Variants in ULK4 observed in about 807,000 individuals in gnomAD.
ULK4 encodes the protein unc-51 like kinase 4.
ULK4 carries 133 observed loss-of-function variants against 160.6 expected under a neutral mutation model. That is an observed-to-expected ratio of 0.83 (90% confidence interval 0.72 to 0.96). The LOEUF (loss-of-function observed/expected upper bound fraction) is 0.96, where lower values mean the gene tolerates loss of function less well. Ranked by LOEUF, ULK4 falls within the 40% of genes least tolerant of loss-of-function variation. ULK4 has a pLI of 0.00. For synonymous variants in ULK4, 534 were observed against 539.8 expected, an observed-to-expected ratio of 0.99 and a Z score of 0.15; for missense variants, 1,580 against 1,499.5, an observed-to-expected ratio of 1.05 and a Z score of -0.89.
At chr3:41,453,326 C>T (rs1385218242) in intron 34 of ULK4, among the ~76,000 whole-genome samples, 3 of 152,104 alleles carry the variant, frequency 2.0e-5, no homozygotes, top group Admixed American at 6.6e-5. Flanking sequence ...CAGGTGTGCA[C>T]CACCACACCT....
At chr3:41,576,624 C>A (rs1167628132) in intron 31 of ULK4, among the ~76,000 whole-genome samples, 1 of 152,168 alleles carries the variant, frequency 6.6e-6, no homozygotes, top group African/African-American at 2.4e-5. Flanking sequence ...ATTTATTGAG[C>A]ACCTAAAATT....
At chr3:41,285,933 A>G (rs1250703916) in intron 35 of ULK4, among the ~76,000 whole-genome samples, 2 of 152,206 alleles carry the variant, frequency 1.3e-5, no homozygotes, top group African/African-American at 4.8e-5. Flanking sequence ...GGGGTAGCAT[A>G]CAAAAAGATA....
At chr3:41,313,468 T>G (rs1367692867) in intron 35 of ULK4, among the ~76,000 whole-genome samples, 1 of 152,218 alleles carries the variant, frequency 6.6e-6, no homozygotes, top group Non-Finnish European at 1.5e-5. Context: ...TCTTAAAGAA[T>G]AGCTTTTGGT....
intron 35 of ULK4, among the ~76,000 whole-genome samples, chr3:41,296,398 C>T (rs2079668476): frequency 6.6e-6 from 1 of 152,154 alleles, no homozygotes; most frequent in Non-Finnish European, 1.5e-5. Context: ...CCAGGGTGTT[C>T]ACCCAGGGGC....
chr3:41,757,161 C>T (rs1444707902), intron 21 of ULK4, among the ~76,000 whole-genome samples: 1 of 151,908 alleles, frequency 6.6e-6, no homozygotes, highest in Non-Finnish European at 1.5e-5. Flanking sequence ...AGTAAGAGTC[C>T]TAGAAACAAC....
intron 22 of ULK4, among the ~76,000 whole-genome samples, chr3:41,742,077 A>T (rs948196527): frequency 2.0e-5 from 3 of 151,870 alleles, no homozygotes; most frequent in Non-Finnish European, 4.4e-5. Flanking sequence ...CAACACACCA[A>T]CAGAAAATCA....
intron 27 of ULK4, among the ~76,000 whole-genome samples, chr3:41,700,439 T>G (rs888232502): frequency 2.0e-5 from 3 of 152,088 alleles, no homozygotes; most frequent in African/African-American, 7.2e-5. Context: ...CACCAACCCC[T>G]CCACACACAT....
intron 22 of ULK4, among the ~76,000 whole-genome samples, chr3:41,727,139 C>T (rs191015056): frequency 2.0e-5 from 3 of 152,150 alleles, no homozygotes; most frequent in Non-Finnish European, 2.9e-5. Context: ...TAACTCTGAT[C>T]GGCCTTCTAT....
chr3:41,780,212 G>T (rs1337475208), intron 21 of ULK4, among the ~76,000 whole-genome samples: 1 of 151,828 alleles, frequency 6.6e-6, no homozygotes, highest in Non-Finnish European at 1.5e-5. Context: ...ACCCTGGAAG[G>T]TGGAAAGACA....
intron 35 of ULK4, among the ~76,000 whole-genome samples, chr3:41,279,271 A>AAC (rs1559501629): frequency 6.9e-4 from 101 of 145,904 alleles, no homozygotes; most frequent in East Asian, 2.9e-3. Flanking sequence ...AAAAAAAAAA[A>AAC]AAAACAAAAC....
At chr3:41,253,038 G>A (rs1178990378) in intron 35 of ULK4, among the ~76,000 whole-genome samples, 1 of 152,036 alleles carries the variant, frequency 6.6e-6, no homozygotes, top group Admixed American at 6.5e-5. Context: ...ATACCTAGAA[G>A]ATATCATTCA....
Position 41,251,283 on chromosome 3 carries a change from CA to C in ULK4, c.3679-1710del, listed in dbSNP as rs1253522124. 2.0e-5 allele frequency among the ~76,000 whole-genome samples: 3 copies of C among 152,328 alleles called. No individual in the cohort carries two copies. The East Asian group carries it at 5.8e-4, about 29-fold the overall frequency. The stretch of plus-strand genomic sequence containing the variant: ...TTTACCTGACTCTTATTCATAACAT[CA>C]GCTGTTGTTCTGTATATAAGGATGA... On this transcript the variant is annotated intron_variant, in intron 35 of 36. Coordinates refer to ENST00000301831, the MANE Select transcript of ULK4 (RefSeq NM_017886.4).
chr3:41,958,247 T>G (rs1261187137), intron 1 of ULK4, among the ~76,000 whole-genome samples: 1 of 152,132 alleles, frequency 6.6e-6, no homozygotes, highest in African/African-American at 2.4e-5. Flanking sequence ...ATGTAATATA[T>G]TTTGCTTTTG....
At chr3:41,689,388 G>A (rs1353033861) in intron 27 of ULK4, among the ~76,000 whole-genome samples, 3 of 152,158 alleles carry the variant, frequency 2.0e-5, no homozygotes, top group Admixed American at 1.3e-4. Context: ...AGGGTTTATA[G>A]CAGCAACACC....
Position 41,841,177 on chromosome 3 carries a change from G to A in ULK4, c.1657-5206C>T, listed in dbSNP as rs2041911939. On this transcript the variant is annotated intron_variant, in intron 17 of 36. Transcript: ENST00000301831. ...GGATGTCAGCTGCCCCGACTGGGAG[G>A]TGAGGAGCGCCTCTGCCCGGCCGCC... Among the ~76,000 whole-genome samples, 3 of 146,920 alleles carry A rather than the reference G, an allele frequency of 2.0e-5. No homozygotes were observed. The South Asian group carries it at 6.7e-4, about 33-fold the overall frequency.
chr3:41,882,377 T>C (rs1697554651), intron 17 of ULK4: 1 of 679,430 alleles, frequency 1.5e-6, no homozygotes, highest in Non-Finnish European at 2.7e-6. Flanking sequence ...AATTACAGGG[T>C]GGTCGTAGTA....
At chr3:41,345,157 C>T (rs904875979) in intron 35 of ULK4, among the ~76,000 whole-genome samples, 5 of 152,152 alleles carry the variant, frequency 3.3e-5, no homozygotes, top group Non-Finnish European at 7.4e-5. Context: ...GAAAAAGGAA[C>T]ACTTTTACAC....
intron 17 of ULK4, among the ~76,000 whole-genome samples, chr3:41,842,800 C>T (rs1165825971): frequency 6.6e-6 from 1 of 152,194 alleles, no homozygotes; most frequent in Admixed American, 6.5e-5. Context: ...GCAAAACAGG[C>T]TAACACAGGC....
At chr3:41,932,284 G>A (rs1274760351) in intron 4 of ULK4, among the ~76,000 whole-genome samples, 44 of 152,222 alleles carry the variant, frequency 2.9e-4, no homozygotes, top group Non-Finnish European at 4.4e-5. Flanking sequence ...GATTAACAAC[G>A]ATGAAAATAA....
Sources: allele counts gnomAD v4.1 joint callset (sites outside exome capture counted in the v4.1 genomes callset), GRCh38; gene constraint gnomAD v4.1.1; transcripts MANE v1.5; gene names NCBI Gene and HGNC (gene_info 2026-07-23, HGNC 2026-07-21).